XYLT1: variants seen among roughly 807,000 people sequenced by gnomAD.
XYLT1 encodes the protein xylosyltransferase 1, also known as beta-D-xylosyltransferase 1.
Under a neutral mutation model 91.3 loss-of-function variants are expected in XYLT1, and 36 were observed. That is an observed-to-expected ratio of 0.39 (90% CI 0.30 to 0.52). XYLT1 has a LOEUF of 0.52. Ranked by LOEUF, XYLT1 falls within the 20% of genes least tolerant of loss-of-function variation. XYLT1 has a pLI of 0.68. For synonymous variants in XYLT1, 588 were observed against 532.0 expected, an observed-to-expected ratio of 1.11 and a Z score of -1.45; for missense variants, 1,242 against 1,284.5, an observed-to-expected ratio of 0.97 and a Z score of 0.51.
chr16:17,415,153 A>C (rs368205115), intron 1 of XYLT1, among the ~76,000 whole-genome samples: 14 of 152,254 alleles, frequency 9.2e-5, no homozygotes, highest in African/African-American at 2.2e-4. Flanking sequence ...CAAAACACAA[A>C]GCTGGAATTG....
chr16:17,114,887 C>G (rs1303287890), intron 11 of XYLT1, among the ~76,000 whole-genome samples: 1 of 152,056 alleles, frequency 6.6e-6, no homozygotes, highest in Non-Finnish European at 1.5e-5. Context: ...CTTTGTCACC[C>G]AGGCTGGAGT....
At chr16:17,470,049 G>A (rs897353551) in intron 1 of XYLT1, among the ~76,000 whole-genome samples, 2 of 152,114 alleles carry the variant, frequency 1.3e-5, no homozygotes, top group Non-Finnish European at 2.9e-5. Flanking sequence ...CAGGAACAGC[G>A]GCTGAGGATC....
In XYLT1 at chr16:17,134,626, G is replaced by A. The variant is rs373313539; in HGVS notation, c.1874C>T (p.Pro625Leu). The A allele has an allele frequency of 5.5e-5, 89 of 1,614,086 alleles. No individual in the cohort carries two copies. Among genetic ancestry groups the A allele is most frequent in the South Asian group, 2.2e-5 (2 of 91,088 alleles). ...ATTCTCCCAGTAGGAGCGCAGGCCC[G>A]GGGTACCTGCAGGGTAGTTCCCGTA... is the stretch of plus-strand genomic sequence containing the variant. Reference protein sequence around the residue: ...YLYGNYPAGTPGLRSYWENVY... With the variant: ...YLYGNYPAGTLGLRSYWENVY... The change falls in exon 9 of 12, where the codon CCG becomes CTG. Residue 625 changes from proline (P) to leucine (L), a missense_variant. Coordinates refer to ENST00000261381, the MANE Select transcript of XYLT1 (RefSeq NM_022166.4).
intron 5 of XYLT1, among the ~76,000 whole-genome samples, chr16:17,192,092 C>CTTTTT (rs550488299): frequency 2.4e-5 from 3 of 126,802 alleles, no homozygotes; most frequent in African/African-American, 6.2e-5. Context: ...CTCTCTCTCT[C>CTTTTT]TTTTTTTTTT....
At chr16:17,211,451 G>A (rs1298075904) in intron 3 of XYLT1, among the ~76,000 whole-genome samples, 2 of 152,204 alleles carry the variant, frequency 1.3e-5, no homozygotes, top group African/African-American at 2.4e-5. Context: ...CCCTGCTAGA[G>A]AGACAGAAGT....
chr16:17,343,532 G>A (rs1040828425), intron 2 of XYLT1, among the ~76,000 whole-genome samples: 3 of 152,272 alleles, frequency 2.0e-5, no homozygotes, highest in South Asian at 2.1e-4. Context: ...GTGCAGTAGC[G>A]CAATCACAGC....
chr16:17,365,316 C>T (rs1231414939), intron 1 of XYLT1, among the ~76,000 whole-genome samples: 2 of 152,106 alleles, frequency 1.3e-5, no homozygotes, highest in African/African-American at 4.8e-5. Context: ...TTCAGATGTC[C>T]CCATGGGATT....
chr16:17,194,872 C>T (rs1030368360), intron 5 of XYLT1, among the ~76,000 whole-genome samples: 2 of 152,246 alleles, frequency 1.3e-5, no homozygotes, highest in African/African-American at 4.8e-5. Flanking sequence ...CTGCTATGCT[C>T]AGCATTTTGG....
At chr16:17,254,874 C>A (rs1226748972) in intron 3 of XYLT1, among the ~76,000 whole-genome samples, 1 of 152,120 alleles carries the variant, frequency 6.6e-6, no homozygotes, top group Non-Finnish European at 1.5e-5. Context: ...CACCCCTAAC[C>A]CCAGAATTCT....
chr16:17,177,592 T>G (rs1346532046), intron 5 of XYLT1, among the ~76,000 whole-genome samples: 1 of 152,160 alleles, frequency 6.6e-6, no homozygotes, highest in Admixed American at 6.5e-5. Context: ...TATGAATGAA[T>G]GAACAAATTC....
intron 2 of XYLT1, among the ~76,000 whole-genome samples, chr16:17,357,299 G>C (rs2035315911): frequency 6.6e-6 from 1 of 151,910 alleles, no homozygotes; most frequent in Non-Finnish European, 1.5e-5. Flanking sequence ...CTATCACTGG[G>C]ATGACGTTTC....
At chr16:17,356,942 C>T (rs1191075056) in intron 2 of XYLT1, among the ~76,000 whole-genome samples, 1 of 151,824 alleles carries the variant, frequency 6.6e-6, no homozygotes, top group Non-Finnish European at 1.5e-5. Context: ...TTTGGGAGGC[C>T]AAGGTGAGCG....
At chr16:17,242,573 G>A (rs2033364012) in intron 3 of XYLT1, among the ~76,000 whole-genome samples, 1 of 152,146 alleles carries the variant, frequency 6.6e-6, no homozygotes, top group Non-Finnish European at 1.5e-5. Context: ...TTTAGAGCAA[G>A]ATTTAAATGA....
At chr16:17,426,362 C>T (rs1013353010) in intron 1 of XYLT1, among the ~76,000 whole-genome samples, 67 of 152,170 alleles carry the variant, frequency 4.4e-4, no homozygotes, top group African/African-American at 1.5e-3. Flanking sequence ...GAGTTCAAGA[C>T]CAGCCTGGCC....
chr16:17,310,601 A>C (rs755977108), intron 2 of XYLT1, among the ~76,000 whole-genome samples: 11 of 152,224 alleles, frequency 7.2e-5, no homozygotes, highest in African/African-American at 9.6e-5. Context: ...CTGTAATCTC[A>C]GCACTTTGGG....
intron 2 of XYLT1, among the ~76,000 whole-genome samples, chr16:17,346,018 T>A (rs1275057813): frequency 6.6e-6 from 1 of 151,904 alleles, no homozygotes; most frequent in Non-Finnish European, 1.5e-5. Context: ...GCCATGTTGG[T>A]CAGGCTGGTC....
chr16:17,232,429 G>GTATATATATATA (rs144659961), intron 3 of XYLT1, among the ~76,000 whole-genome samples: 2 of 121,730 alleles, frequency 1.6e-5, no homozygotes, highest in Non-Finnish European at 3.4e-5. Flanking sequence ...GTGTGTGTGT[G>GTATATATATATA]TATATATATA....
In XYLT1 at chr16:17,420,687, A is replaced by AC. The variant is rs2036239913; in HGVS notation, c.363+49746_363+49747insG. Among the ~76,000 whole-genome samples the AC allele has an allele frequency of 9.2e-5, 14 of 151,750 alleles. No homozygotes were observed. The South Asian group carries it at 2.7e-3, about 29-fold the overall frequency. On this transcript the variant is annotated intron_variant, in intron 1 of 11. Transcript: ENST00000261381. ...AAAATGTACTAGGCTAATTATTCAG[A>AC]TTTTTTTTTGCGAAGGGTGCAAATG...
At chr16:17,291,607 T>G (rs1347505854) in intron 2 of XYLT1, among the ~76,000 whole-genome samples, 1 of 151,150 alleles carries the variant, frequency 6.6e-6, no homozygotes, top group Non-Finnish European at 1.5e-5. Flanking sequence ...AGCTGTGTTT[T>G]CCTAAAGCTC....
Sources: gnomAD v4.1 joint callset for allele counts (sites outside exome capture counted in the v4.1 genomes callset) on GRCh38, gnomAD v4.1.1 for gene constraint, MANE v1.5 for transcripts, NCBI Gene and HGNC (gene_info 2026-07-23, HGNC 2026-07-21) for gene names.